Variants in DPP6 observed in about 807,000 individuals in gnomAD.
DPP6 encodes dipeptidyl peptidase like 6.
A neutral mutation model predicts 122.6 loss-of-function variants in DPP6; 69 were observed. That is an observed-to-expected ratio of 0.56 (90% CI 0.46 to 0.69). The LOEUF (loss-of-function observed/expected upper bound fraction) is 0.69. Among genes scored for constraint, DPP6 ranks in the 30% least tolerant of loss-of-function variants. DPP6 has a pLI of 0.00. For missense variants in DPP6, 928 were observed against 1,116.9 expected (o/e 0.83, Z 2.41); for synonymous variants, 418 against 433.1 (o/e 0.97, Z 0.43).
chr7:153,757,034 T>C, the DPP6 span, among the ~76,000 whole-genome samples: 1 of 150,230 alleles, frequency 6.7e-6, no homozygotes, highest in African/African-American at 2.4e-5. Flanking sequence ...ACCTTGTACC[T>C]CATGAAGGAA....
At chr7:154,520,616 G>T (rs2129958886) in intron 3 of DPP6, among the ~76,000 whole-genome samples, 1 of 152,362 alleles carries the variant, frequency 6.6e-6, no homozygotes, top group South Asian at 2.1e-4. Flanking sequence ...GTCTTTGCTA[G>T]TAGGAGGTGA....
chr7:154,102,821 A>C (rs1236522653), intron 1 of DPP6, among the ~76,000 whole-genome samples: 1 of 152,132 alleles, frequency 6.6e-6, no homozygotes, highest in Non-Finnish European at 1.5e-5. Flanking sequence ...TCCTCTCTTA[A>C]TGTGCATCAT....
intron 4 of DPP6, among the ~76,000 whole-genome samples, chr7:154,543,818 A>AC (rs1828926748): frequency 6.6e-6 from 1 of 151,766 alleles, no homozygotes; most frequent in African/African-American, 2.4e-5. Flanking sequence ...ATGTGGTGAA[A>AC]CCCCATCTCT....
At chr7:154,265,963 G>A (rs1287108861) in intron 1 of DPP6, among the ~76,000 whole-genome samples, 2 of 152,120 alleles carry the variant, frequency 1.3e-5, no homozygotes, top group African/African-American at 4.8e-5. Flanking sequence ...GAAATAACTT[G>A]GGTGTCCACA....
At chr7:154,575,356 G>A (rs1268521658) in intron 5 of DPP6, among the ~76,000 whole-genome samples, 185 of 106,746 alleles carry the variant, frequency 1.7e-3, no homozygotes, top group Admixed American at 4.0e-3. Context: ...TGTGTGTGGT[G>A]TGTGTGTGAT....
At chr7:154,325,360 A>G (rs894598751) in intron 1 of DPP6, among the ~76,000 whole-genome samples, 1 of 152,136 alleles carries the variant, frequency 6.6e-6, no homozygotes, top group Non-Finnish European at 1.5e-5. Context: ...TTTTCTGGGA[A>G]CCCCTTAATG....
intron 1 of DPP6, among the ~76,000 whole-genome samples, chr7:154,249,965 C>A (rs1802243863): frequency 6.6e-6 from 1 of 152,110 alleles, no homozygotes; most frequent in Non-Finnish European, 1.5e-5. Context: ...ACACCCGGGG[C>A]CTGGTAGTTA....
the DPP6 span, among the ~76,000 whole-genome samples, chr7:153,857,787 A>G: frequency 3.3e-5 from 5 of 152,220 alleles, no homozygotes; most frequent in African/African-American, 9.6e-5. Flanking sequence ...TCCTGATAGA[A>G]TTTAGATTTG....
chr7:154,423,906 T>C (rs776872745), intron 1 of DPP6, among the ~76,000 whole-genome samples: 1 of 152,170 alleles, frequency 6.6e-6, no homozygotes, highest in African/African-American at 2.4e-5. Flanking sequence ...CAAAGAAACA[T>C]AGAGGATGGT....
At chr7:153,893,049 TA>T (rs1369507299) in intron 1 of DPP6, among the ~76,000 whole-genome samples, 1 of 152,306 alleles carries the variant, frequency 6.6e-6, no homozygotes, top group African/African-American at 2.4e-5. Context: ...TATGGCCCAT[TA>T]AAAAATGCAG....
At chr7:153,887,321 G>C (rs1798971830) in exon 1 of DPP6, 1 of 176,540 alleles carries the variant, frequency 5.7e-6, no homozygotes, top group African/African-American at 2.4e-5. Context: ...CGCCGAGCTC[G>C]GTGGACACGC....
intron 6 of DPP6, among the ~76,000 whole-genome samples, chr7:154,653,761 C>G (rs1287740704): frequency 6.6e-6 from 1 of 152,168 alleles, no homozygotes; most frequent in Non-Finnish European, 1.5e-5. Context: ...ACTGAACCCC[C>G]CAAACTCATT....
At position 154,282,841 on chromosome 7, in the gene DPP6, G is replaced by C. The variant is rs918795299; in HGVS notation, c.244-163373G>C. Reference sequence around the variant, plus strand: ...ACAAATAGGCCCATTTATAACAAGAGGTTGAAGGAGAGATTGCCACTCTTT... The same window carrying C: ...ACAAATAGGCCCATTTATAACAAGACGTTGAAGGAGAGATTGCCACTCTTT... On this transcript the variant is annotated intron_variant, in intron 1 of 25. Transcript: ENST00000377770. The surrounding 1 kb of genome is among the most constrained non-coding windows in gnomAD (Gnocchi z 4.8). Among the ~76,000 whole-genome samples, 17 of 152,122 alleles carry C rather than the reference G, an allele frequency of 1.1e-4. No homozygotes were observed. Among genetic ancestry groups the C allele is most frequent in the African/African-American group, 3.6e-4 (15 of 41,428 alleles).
intron 5 of DPP6, among the ~76,000 whole-genome samples, chr7:154,593,902 A>G (rs746520797): frequency 1.1e-4 from 16 of 152,252 alleles, no homozygotes; most frequent in Non-Finnish European, 1.9e-4. Flanking sequence ...GATTGTCACC[A>G]TAAAGCTTTT....
chr7:153,981,089 C>A (rs1796560685), intron 1 of DPP6, among the ~76,000 whole-genome samples: 2 of 152,088 alleles, frequency 1.3e-5, no homozygotes, highest in African/African-American at 2.4e-5. Flanking sequence ...GAGTTCAAGT[C>A]CTGAATATCC....
At chr7:154,247,136 T>C (rs1467846321) in intron 1 of DPP6, among the ~76,000 whole-genome samples, 1 of 152,030 alleles carries the variant, frequency 6.6e-6, no homozygotes, top group Non-Finnish European at 1.5e-5. Flanking sequence ...AACATGGTGA[T>C]ACCCCATCTC....
intron 1 of DPP6, among the ~76,000 whole-genome samples, chr7:154,070,576 AT>A (rs201619046): frequency 1.4e-4 from 21 of 151,874 alleles, no homozygotes; most frequent in African/African-American, 2.9e-4. Context: ...CTTCTCTAAG[AT>A]TTTTTTTTCC....
chr7:154,102,302 G>A (rs528077067), intron 1 of DPP6, among the ~76,000 whole-genome samples: 10 of 152,086 alleles, frequency 6.6e-5, no homozygotes, highest in African/African-American at 2.2e-4. Context: ...CGATTCTCCC[G>A]CCTCAGCCTC....
chr7:154,358,162 A>T (rs1476565051), intron 1 of DPP6, among the ~76,000 whole-genome samples: 4 of 152,220 alleles, frequency 2.6e-5, no homozygotes, highest in Middle Eastern at 3.4e-3. Flanking sequence ...ACAAACAGTA[A>T]ATGTTTGTAT....
Sources: allele counts gnomAD v4.1 joint callset (sites outside exome capture counted in the v4.1 genomes callset), GRCh38; gene constraint gnomAD v4.1.1; non-coding constraint Gnocchi (gnomAD v3.1); transcripts MANE v1.5; gene names NCBI Gene and HGNC (gene_info 2026-07-23, HGNC 2026-07-21).